The following NUP210 variants were observed in gnomAD, a reference collection of about 807,000 sequenced individuals.
NUP210 encodes nucleoporin 210.
Under a neutral mutation model 196.0 loss-of-function variants are expected in NUP210, and 151 were observed. The observed-to-expected ratio is 0.77, with a 90% CI of 0.67 to 0.88. The LOEUF (loss-of-function observed/expected upper bound fraction) is 0.88. Among genes scored for constraint, NUP210 ranks in the 40% least tolerant of loss-of-function variants. The pLI, the probability that NUP210 is intolerant of heterozygous loss-of-function variation, is 0.00. For synonymous variants in NUP210, 1,070 were observed against 1,052.7 expected (o/e 1.02, Z -0.32); for missense variants, 2,314 against 2,493.7 (o/e 0.93, Z 1.53).
chr3:13,340,280 G>T lies in NUP210; in HGVS notation c.3247C>A (p.Leu1083Met). 6.2e-7 allele frequency: 1 copy of T among 1,613,456 alleles called. No individual in the cohort carries two copies. Among genetic ancestry groups the T allele is most frequent in the Non-Finnish European group, 8.5e-7 (1 of 1,180,020 alleles). Residue 1083 changes from leucine (L) to methionine (M), a missense_variant, in exon 24 of 40, where the codon CTG becomes ATG. Physicochemically the swap from Leu to Met is conservative, Grantham distance 15. Transcript: ENST00000254508. The surrounding 1 kb of genome is among the most constrained non-coding windows in gnomAD (Gnocchi z 4.0). Reference sequence around the variant, plus strand: ...AGCAGTGTCACCTTCCTGGGCATCAGCCTGAACGGGGGAAAGACCTGTTGA... The same window carrying T: ...AGCAGTGTCACCTTCCTGGGCATCATCCTGAACGGGGGAAAGACCTGTTGA... ...QQIEVFPPFR[L>M]MPRKVTLLIG...
In NUP210 at chr3:13,340,398, C is replaced by T; in HGVS notation, c.3229-100G>A. ...TGTTTCATGAGAGGAAAACCTGGGA[C>T]ATGGACATCACTTCTCTCTGAGCAG... On this transcript the variant is annotated intron_variant, in intron 23 of 39. Coordinates refer to ENST00000254508, the MANE Select transcript of NUP210 (RefSeq NM_024923.4). The surrounding 1 kb of genome is among the most constrained non-coding windows in gnomAD (Gnocchi z 4.0). 9.7e-7 allele frequency: 1 copy of T among 1,027,886 alleles called. No individual in the cohort carries two copies. The highest frequency in any genetic ancestry group is 1.5e-6 in the Non-Finnish European group (1 of 670,136). 63.7% of individuals were successfully genotyped at this position (1,027,886 alleles called of 1,614,324 possible).
chr3:13,327,467 A>G, intron 31 of NUP210, 30 bp from the exon 32 acceptor site: 1 of 1,523,684 alleles, frequency 6.6e-7, no homozygotes, highest in East Asian at 2.3e-5. Flanking sequence ...GAGGGCTCTC[A>G]GTCTCGGGAA....
chr3:13,384,357 G>A lies in NUP210; in HGVS notation c.817+1918C>T, dbSNP rs1017671792. Reference sequence around the variant, plus strand: ...ATCCTACAGGGGTGATTAAGGCCAAGGAGTCCAACAGTTTTGTGAGCTTCA... The same window carrying A: ...ATCCTACAGGGGTGATTAAGGCCAAAGAGTCCAACAGTTTTGTGAGCTTCA... On this transcript the variant is annotated intron_variant, in intron 6 of 39. Transcript: ENST00000254508. Among the ~76,000 whole-genome samples the A allele has an allele frequency of 2.6e-5, 4 of 152,228 alleles. No individual in the cohort carries two copies. In the South Asian group the frequency reaches 8.3e-4, roughly 32 times the overall value.
intron 25 of NUP210, among the ~76,000 whole-genome samples, chr3:13,338,932 C>T (rs1022763112): frequency 1.3e-5 from 2 of 152,240 alleles, no homozygotes; most frequent in South Asian, 2.1e-4. Flanking sequence ...TAGCCAGCTG[C>T]CCTTTACCTA....
chr3:13,372,175 G>C (rs561170085), intron 12 of NUP210, 143 bp from the exon 13 acceptor site: 1 of 795,108 alleles, frequency 1.3e-6, no homozygotes, highest in Non-Finnish European at 2.0e-6. Context: ...GGGTGATTCA[G>C]GGACAGAGAG....
Position 13,420,200 on chromosome 3 carries a change from C to T in NUP210, c.27G>A (p.Leu9=), listed in dbSNP as rs1237112784. The part of the protein sequence containing the change: MAARGRGL[L]LLTLSVLLAA... ...CCAACAGCACCGACAGCGTCAGCAGCAGCAGCCCCCGGCCCCGCGCCGCCA... is the reference window on the plus strand; with the variant it reads ...CCAACAGCACCGACAGCGTCAGCAGTAGCAGCCCCCGGCCCCGCGCCGCCA... Residue 9 remains leucine (L), a synonymous_variant, in exon 1 of 40, where the codon CTG becomes CTA. Transcript: ENST00000254508. The surrounding 1 kb of genome is among the most constrained non-coding windows in gnomAD (Gnocchi z 4.8). 1.7e-6 allele frequency: 2 copies of T among 1,202,696 alleles called. No individual in the cohort carries two copies. The highest frequency in any genetic ancestry group is 3.4e-5 in the Admixed American group (1 of 29,380). 74.5% of individuals were successfully genotyped at this position (1,202,696 alleles called of 1,614,324 possible).
At chr3:13,378,388 G>C in intron 8 of NUP210, among the ~76,000 whole-genome samples, 1 of 152,172 alleles carries the variant, frequency 6.6e-6, no homozygotes, top group Non-Finnish European at 1.5e-5. Context: ...CTGTCCCCTG[G>C]GATGCCCAGT....
In NUP210 at chr3:13,384,852, C is replaced by T. The variant is rs184000473; in HGVS notation, c.817+1423G>A. On this transcript the variant is annotated intron_variant, in intron 6 of 39. Coordinates refer to ENST00000254508, the MANE Select transcript of NUP210 (RefSeq NM_024923.4). ...GGAGCCTCCTCCCCTTTCAGAGTCT[C>T]AGAAAGCCACATCTTGGACTGTCCC... is the stretch of plus-strand genomic sequence containing the variant. Among the ~76,000 whole-genome samples, 366 of 152,324 alleles carry T rather than the reference C, an allele frequency of 2.4e-3. 2 individuals are homozygous for T. The highest frequency in any genetic ancestry group is 8.3e-3 in the African/African-American group (346 of 41,570).
chr3:13,374,690 C>T (rs1559334782), intron 11 of NUP210, among the ~76,000 whole-genome samples: 4 of 152,194 alleles, frequency 2.6e-5, no homozygotes, highest in Admixed American at 2.6e-4. Context: ...GCCTCCCTGA[C>T]CAGACACAAG....
At chr3:13,362,734 C>T (rs1698412939) in intron 14 of NUP210, among the ~76,000 whole-genome samples, 1 of 152,112 alleles carries the variant, frequency 6.6e-6, no homozygotes, top group South Asian at 2.1e-4. Flanking sequence ...TCCCCGGACT[C>T]GACCTTCAAC....
At chr3:13,319,024 T>A (rs1696390754) in intron 39 of NUP210, 48 bp downstream of exon 39, 2 of 1,541,030 alleles carry the variant, frequency 1.3e-6, no homozygotes, top group East Asian at 2.3e-5. Flanking sequence ...AGGGCTCTTC[T>A]CTTTCTCAGC....
chr3:13,348,770 G>T lies in NUP210; in HGVS notation c.2835+3109C>A. On this transcript the variant is annotated intron_variant, in intron 20 of 39. Transcript: ENST00000254508. This position sits in a 1 kb window ranked among gnomAD's most constrained non-coding sequence, Gnocchi z 4.0. The stretch of plus-strand genomic sequence containing the variant: ...GCCTCTGAGAAGAACAGGAACAGTG[G>T]GACTCCCTCCCCCTCCTTGAGGCAC... 1.0e-6 allele frequency: 1 copy of T among 985,314 alleles called. No homozygotes were observed. Among genetic ancestry groups the T allele is most frequent in the Non-Finnish European group, 1.2e-6 (1 of 829,912 alleles). The allele number at this position is 985,314 out of a possible 1,614,324, so 61.0% of individuals were successfully genotyped here.
At chr3:13,388,277 C>G (rs762427387) in intron 5 of NUP210, 26 bp downstream of exon 5, 6 of 1,565,546 alleles carry the variant, frequency 3.8e-6, no homozygotes, top group African/African-American at 1.4e-5. Context: ...AGGAAGCCCA[C>G]TGACACCCCA....
intron 3 of NUP210, among the ~76,000 whole-genome samples, chr3:13,392,582 G>C (rs1238954053): frequency 6.6e-6 from 1 of 152,236 alleles, no homozygotes; most frequent in African/African-American, 2.4e-5. Flanking sequence ...CAAGACAGGA[G>C]TCCTCTAGTC....
In NUP210 at chr3:13,346,983, C is replaced by T. The variant is rs1035629993; in HGVS notation, c.2836-3680G>A. 7 of 983,796 alleles carry T rather than the reference C, an allele frequency of 7.1e-6. No individual in the cohort carries two copies. In the African/African-American group the frequency reaches 8.7e-5, roughly 12 times the overall value. 60.9% of individuals were successfully genotyped at this position (983,796 alleles called of 1,614,324 possible). On this transcript the variant is annotated intron_variant, in intron 20 of 39. Transcript: ENST00000254508. ...CCTTCCCAAGGGCGAGGACTGGGGA[C>T]GTGCACCACTGTCCACAGATCAGTC... is the stretch of plus-strand genomic sequence containing the variant.
chr3:13,389,802 T>C (rs1699425818), intron 4 of NUP210, among the ~76,000 whole-genome samples: 1 of 152,074 alleles, frequency 6.6e-6, no homozygotes, highest in South Asian at 2.1e-4. Context: ...TATAATTATA[T>C]AGGGGTGAGA....
intron 2 of NUP210, among the ~76,000 whole-genome samples, chr3:13,398,384 A>C (rs765469818): frequency 6.6e-6 from 1 of 152,182 alleles, no homozygotes; most frequent in Non-Finnish European, 1.5e-5. Flanking sequence ...CAAAGGTTGC[A>C]GTGAGCCAAG....
intron 1 of NUP210, among the ~76,000 whole-genome samples, chr3:13,405,703 T>C (rs1337213080): frequency 1.3e-5 from 2 of 152,172 alleles, no homozygotes; most frequent in East Asian, 1.9e-4. Flanking sequence ...AACACTTCTA[T>C]TTATCACTGA....
intron 10 of NUP210, 68 bp from the exon 11 acceptor site, chr3:13,375,709 G>T (rs531794091): frequency 7.2e-6 from 11 of 1,528,414 alleles, no homozygotes; most frequent in Non-Finnish European, 8.9e-6. Context: ...CCCAGTCACC[G>T]GACCCCCACC....
Sources: allele counts gnomAD v4.1 joint callset (sites outside exome capture counted in the v4.1 genomes callset), GRCh38; gene constraint gnomAD v4.1.1; non-coding constraint Gnocchi (gnomAD v3.1); transcripts MANE v1.5; gene names NCBI Gene and HGNC (gene_info 2026-07-23, HGNC 2026-07-21).